The following LRRN2 variants were observed in gnomAD, a reference collection of about 807,000 sequenced individuals.
LRRN2 encodes the protein leucine-rich repeat neuronal protein 2.
A neutral mutation model predicts 35.7 loss-of-function variants in LRRN2; 10 were observed. The observed-to-expected ratio is 0.28, with a 90% CI of 0.17 to 0.47. LRRN2 has a LOEUF of 0.47. Ranked by LOEUF, LRRN2 falls within the 20% of genes least tolerant of loss-of-function variation. The pLI is 0.99. For missense variants in LRRN2, 731 were observed against 940.3 expected, an observed-to-expected ratio of 0.78 and a Z score of 2.91; for synonymous variants, 391 against 409.6, an observed-to-expected ratio of 0.95 and a Z score of 0.55.
At position 204,618,289 on chromosome 1, in the gene LRRN2, C is replaced by T. The variant is rs771965831; in HGVS notation, c.1704G>A (p.Gly568=). The T allele has an allele frequency of 1.9e-6, 3 of 1,601,468 alleles. No individual in the cohort carries two copies. The highest frequency in any genetic ancestry group is 1.3e-5 in the African/African-American group (1 of 74,894). Reference sequence around the variant, plus strand: ...GAGGCAGGCGGGCCAGAGCTGTGGCCCCCTGGCCCCGGAGGGAGGAGGCAC... The same window carrying T: ...GAGGCAGGCGGGCCAGAGCTGTGGCTCCCTGGCCCCGGAGGGAGGAGGCAC... ...WSSASSLRGQ[G]ATALARLPRG... Residue 568 remains glycine, a synonymous_variant, in exon 2 of 2, where the codon GGG becomes GGA. Coordinates refer to ENST00000367177, the MANE Select transcript of LRRN2 (RefSeq NM_201630.2).
chr1:204,617,873 G>A lies in LRRN2; in HGVS notation c.2120C>T (p.Pro707Leu), dbSNP rs115739905. Reference sequence around the variant, plus strand: ...GCTTCAAGAATTTTGAGACAATGGTGGCAACAGTGTCTCCCCTTCTGAGGA... The same window carrying A: ...GCTTCAAGAATTTTGAGACAATGGTAGCAACAGTGTCTCCCCTTCTGAGGA... ...PRSSEGETLL[P>L]PLSQNS The change falls in exon 2 of 2, where the codon CCA (proline) becomes CTA (leucine). Residue 707 changes from proline to leucine, a missense_variant. Pro to Leu is a moderately conservative substitution (Grantham distance 98). Around this residue, in one of 3 missense-constraint regions of LRRN2, gnomAD observed 229 missense variants for 258.4 expected, o/e 0.89. Coordinates refer to ENST00000367177, the MANE Select transcript of LRRN2 (RefSeq NM_201630.2). 24 of 1,614,040 alleles carry A rather than the reference G, an allele frequency of 1.5e-5. No homozygotes were observed. The East Asian group carries it at 4.9e-4, about 33-fold the overall frequency.
At chr1:204,656,951 C>T (rs1668369262) in intron 1 of LRRN2, among the ~76,000 whole-genome samples, 1 of 152,188 alleles carries the variant, frequency 6.6e-6, no homozygotes, top group East Asian at 1.9e-4. Flanking sequence ...TTGTTCTCTG[C>T]ATCTTCCTTA....
intron 1 of LRRN2, among the ~76,000 whole-genome samples, chr1:204,625,754 A>G (rs570639165): frequency 3.9e-5 from 6 of 152,236 alleles, no homozygotes; most frequent in Non-Finnish European, 8.8e-5. Flanking sequence ...CTCTGGCATT[A>G]GGGAACTTTA....
intron 1 of LRRN2, among the ~76,000 whole-genome samples, chr1:204,667,386 AAAC>A (rs1369289803): frequency 1.3e-5 from 2 of 152,178 alleles, no homozygotes; most frequent in African/African-American, 4.8e-5. Flanking sequence ...AAAGGTTAAA[AAAC>A]AACAATTTAA....
intron 1 of LRRN2, among the ~76,000 whole-genome samples, chr1:204,645,057 C>T (rs571507260): frequency 6.6e-4 from 100 of 152,330 alleles, no homozygotes; most frequent in African/African-American, 2.4e-3. Flanking sequence ...CTCCACCTTA[C>T]ACCTGCACAG....
intron 1 of LRRN2, 44 bp from the exon 2 acceptor site, chr1:204,620,262 G>A: frequency 2.3e-6 from 3 of 1,316,026 alleles, no homozygotes; most frequent in Non-Finnish European, 2.0e-6. Context: ...CAGAGAAGCA[G>A]TATCTACCCC....
chr1:204,667,374 TA>T (rs1668595885), intron 1 of LRRN2, among the ~76,000 whole-genome samples: 3 of 152,174 alleles, frequency 2.0e-5, no homozygotes, highest in Admixed American at 6.5e-5. Context: ...ATACTTTTTT[TA>T]AAAGGTTAAA....
intron 1 of LRRN2, among the ~76,000 whole-genome samples, chr1:204,637,645 C>CGTGTGTGTGTGTGTGTGTGTGT (rs67761829): frequency 1.5e-5 from 2 of 129,950 alleles, no homozygotes; most frequent in Non-Finnish European, 3.3e-5. Flanking sequence ...CAGCACGTGA[C>CGTGTGTGTGTGTGTGTGTGTGT]GTGTGTGTGT....
intron 1 of LRRN2, among the ~76,000 whole-genome samples, chr1:204,679,250 T>C (rs533947950): frequency 4.4e-4 from 67 of 152,274 alleles, no homozygotes; most frequent in African/African-American, 1.5e-3. Flanking sequence ...CTCTCTTTCC[T>C]CCTACACAGC....
intron 1 of LRRN2, among the ~76,000 whole-genome samples, chr1:204,684,373 G>A (rs1558426710): frequency 6.6e-6 from 1 of 152,184 alleles, no homozygotes; most frequent in Non-Finnish European, 1.5e-5. Context: ...GAGGAACAGA[G>A]CACAAAGCCC....
intron 1 of LRRN2, among the ~76,000 whole-genome samples, chr1:204,671,822 T>C (rs1175823004): frequency 2.0e-5 from 3 of 151,744 alleles, no homozygotes; most frequent in Admixed American, 1.3e-4. Flanking sequence ...GTGTAGAAGG[T>C]GATGACCAGA....
chr1:204,684,789 C>G (rs1197881033), intron 1 of LRRN2, among the ~76,000 whole-genome samples: 2 of 152,260 alleles, frequency 1.3e-5, no homozygotes, highest in East Asian at 1.9e-4. Context: ...GCTCCTGGTT[C>G]CAGATACTTC....
intron 1 of LRRN2, among the ~76,000 whole-genome samples, chr1:204,684,086 C>A (rs747726187): frequency 1.3e-5 from 2 of 152,110 alleles, no homozygotes; most frequent in Non-Finnish European, 2.9e-5. Context: ...CCTAGACTGG[C>A]GGGAAAGGGG....
At chr1:204,652,266 CCCCCG>C (rs1455978469) in intron 1 of LRRN2, among the ~76,000 whole-genome samples, 18 of 88,168 alleles carry the variant, frequency 2.0e-4, no homozygotes, top group African/African-American at 6.2e-4. Flanking sequence ...CACCGCCCCC[CCCCCG>C]CCCCCCCGCC....
At chr1:204,665,968 T>A (rs556835590) in intron 1 of LRRN2, among the ~76,000 whole-genome samples, 2 of 152,336 alleles carry the variant, frequency 1.3e-5, no homozygotes, top group East Asian at 3.9e-4. Flanking sequence ...GCAGACTGCG[T>A]TGGCACAGCC....
intron 1 of LRRN2, among the ~76,000 whole-genome samples, chr1:204,656,712 A>G (rs1408295386): frequency 6.6e-6 from 1 of 152,186 alleles, no homozygotes; most frequent in Non-Finnish European, 1.5e-5. Flanking sequence ...TCCATGACCT[A>G]TTTGCGTCTA....
chr1:204,634,882 A>C (rs1571647105), intron 1 of LRRN2, among the ~76,000 whole-genome samples: 1 of 152,358 alleles, frequency 6.6e-6, no homozygotes, highest in Non-Finnish European at 1.5e-5. Context: ...TATGAGCCTC[A>C]GTTTTCTCTA....
intron 1 of LRRN2, among the ~76,000 whole-genome samples, chr1:204,641,015 A>AC (rs1348641373): frequency 2.6e-5 from 4 of 151,758 alleles, no homozygotes; most frequent in Non-Finnish European, 4.4e-5. Flanking sequence ...GAAAAAAAAA[A>AC]AACAAAAAAC....
Position 204,618,903 on chromosome 1 carries a change from C to T in LRRN2, c.1090G>A (p.Val364Ile). Residue 364 changes from valine to isoleucine, a missense_variant, in exon 2 of 2, where the codon GTA becomes ATA. Transcript: ENST00000367177. ...CGGATGGGGTTGCCGTGGAGACCTA[C>T]CTCCTGCAGGTTGGGCAGGGACTCC... Reference protein sequence around the residue: ...TVESLPNLQEVGLHGNPIRCD... With the variant: ...TVESLPNLQEIGLHGNPIRCD... 1.2e-6 allele frequency: 2 copies of T among 1,614,142 alleles called. No homozygotes were observed. The highest frequency in any genetic ancestry group is 1.1e-5 in the South Asian group (1 of 91,086).
Sources: gnomAD v4.1 joint callset for allele counts (sites outside exome capture counted in the v4.1 genomes callset) on GRCh38, gnomAD v4.1.1 for gene constraint, gnomAD v4.1.1 regional missense constraint, MANE v1.5 for transcripts, NCBI Gene and HGNC (gene_info 2026-07-23, HGNC 2026-07-21) for gene names.